THADA: variants seen among roughly 807,000 people sequenced by gnomAD.
The protein encoded by THADA is tRNA (32-2'-O)-methyltransferase regulator THADA.
Under a neutral mutation model 219.8 loss-of-function variants are expected in THADA, and 213 were observed. The observed-to-expected ratio is 0.97, with a 90% confidence interval of 0.87 to 1.09. THADA has a LOEUF of 1.09. Among genes scored for constraint, THADA ranks in the 50% least tolerant of loss-of-function variants. The pLI is 0.00. For missense variants in THADA, 2,956 were observed against 2,311.3 expected (o/e 1.28, Z -5.72); for synonymous variants, 1,018 against 828.9 (o/e 1.23, Z -3.92).
At chr2:43,466,541 G>A (rs1439387338) in intron 26 of THADA, among the ~76,000 whole-genome samples, 1 of 152,078 alleles carries the variant, frequency 6.6e-6, no homozygotes, top group Non-Finnish European at 1.5e-5. Context: ...TTGATTCTGA[G>A]ATCTTTGTGG....
At chr2:43,436,813 C>T (rs1303031660) in intron 26 of THADA, among the ~76,000 whole-genome samples, 2 of 152,164 alleles carry the variant, frequency 1.3e-5, no homozygotes, top group Admixed American at 6.5e-5. Flanking sequence ...TAAACAAATG[C>T]TTTCTTTACA....
intron 30 of THADA, among the ~76,000 whole-genome samples, chr2:43,340,376 A>G (rs1382226290): frequency 1.3e-5 from 2 of 152,214 alleles, no homozygotes; most frequent in East Asian, 3.8e-4. Flanking sequence ...TAATCTTGCA[A>G]AGTCAAAACA....
intron 26 of THADA, among the ~76,000 whole-genome samples, chr2:43,458,486 C>T (rs7573500): frequency 0.11 from 16,752 of 152,216 alleles, 1,049 homozygotes; most frequent in African/African-American, 0.16. Context: ...AACTTCCTCA[C>T]ATGGTTACCA....
intron 30 of THADA, 43 bp downstream of exon 30, chr2:43,344,079 C>T (rs1354918762): frequency 7.1e-7 from 1 of 1,410,226 alleles, no homozygotes; most frequent in Admixed American, 1.9e-5. Context: ...AAATGTATTC[C>T]TAACCCCTGA....
Position 43,515,212 on chromosome 2 carries a change from A to AT in THADA, c.3375-6433dup, listed in dbSNP as rs1574036172. On this transcript the variant is annotated intron_variant, in intron 22 of 37. Transcript: ENST00000405975. The stretch of plus-strand genomic sequence containing the variant: ...ATATATTATATATAATATATAATAT[A>AT]TAATATATTATATATAATATATAAT... Among the ~76,000 whole-genome samples, 53 of 79,380 alleles carry AT rather than the reference A, an allele frequency of 6.7e-4. 8 individuals are homozygous for AT. Among genetic ancestry groups the AT allele is most frequent in the Non-Finnish European group, 9.0e-4 (41 of 45,624 alleles). 52.1% of individuals were successfully genotyped at this position (79,380 alleles called of 152,430 possible).
chr2:43,494,458 C>A (rs908709583), intron 25 of THADA, among the ~76,000 whole-genome samples: 1 of 152,090 alleles, frequency 6.6e-6, no homozygotes, highest in African/African-American at 2.4e-5. Flanking sequence ...TAAAATGTAC[C>A]TTCTTTGTAT....
chr2:43,246,246 GCA>G (rs1558460894), intron 36 of THADA, among the ~76,000 whole-genome samples: 10 of 152,192 alleles, frequency 6.6e-5, no homozygotes, highest in Non-Finnish European at 1.3e-4. Context: ...TGTAATCCCA[GCA>G]CTTTGGGAGG....
At chr2:43,278,583 G>C (rs1406211363) in intron 36 of THADA, among the ~76,000 whole-genome samples, 1 of 152,228 alleles carries the variant, frequency 6.6e-6, no homozygotes, top group Non-Finnish European at 1.5e-5. Flanking sequence ...ATCACTTGCA[G>C]CTCTGTTCCA....
At chr2:43,549,540 C>T (rs935894095) in intron 19 of THADA, among the ~76,000 whole-genome samples, 172 bp from the exon 20 acceptor site, 22 of 152,152 alleles carry the variant, frequency 1.4e-4, no homozygotes, top group African/African-American at 5.3e-4. Context: ...TTTCATGATG[C>T]TTGAGTGCAT....
At chr2:43,251,777 C>A (rs1669829541) in intron 36 of THADA, among the ~76,000 whole-genome samples, 1 of 152,252 alleles carries the variant, frequency 6.6e-6, no homozygotes, top group African/African-American at 2.4e-5. Context: ...CCTCCTACCT[C>A]CTCCCCTATC....
rs558378786 is a variant in THADA, at chr2:43,511,614, G to C, written c.3375-2834C>G. 1.2e-3 allele frequency among the ~76,000 whole-genome samples: 178 copies of C among 151,968 alleles called. 1 individual carries two copies. The highest frequency in any genetic ancestry group is 1.9e-3 in the Admixed American group (29 of 15,256). ...TTCCTACACAAACTCCTCTGGTCTA[G>C]TAAGACTGTTTTTTGCTGGTTCTCA... On this transcript the variant is annotated intron_variant, in intron 22 of 37. Transcript: ENST00000405975.
intron 26 of THADA, among the ~76,000 whole-genome samples, chr2:43,467,181 C>CCA (rs1684352952): frequency 1.7e-5 from 1 of 58,390 alleles, no homozygotes; most frequent in African/African-American, 5.8e-5. Context: ...GACTCCGTCT[C>CCA]AAAAAAAAAA....
intron 26 of THADA, among the ~76,000 whole-genome samples, chr2:43,445,907 C>G (rs1352349848): frequency 1.3e-5 from 2 of 152,170 alleles, no homozygotes; most frequent in Non-Finnish European, 2.9e-5. Flanking sequence ...TCCCAAATCA[C>G]TAAACTGCCT....
chr2:43,354,431 CT>C (rs1668652482), intron 29 of THADA, among the ~76,000 whole-genome samples: 1 of 151,478 alleles, frequency 6.6e-6, no homozygotes, highest in Non-Finnish European at 1.5e-5. Flanking sequence ...TGTAGTTACC[CT>C]ATTGTGCTAT....
At chr2:43,407,104 C>T (rs554503024) in intron 28 of THADA, among the ~76,000 whole-genome samples, 36 of 152,174 alleles carry the variant, frequency 2.4e-4, no homozygotes, top group Non-Finnish European at 3.8e-4. Context: ...AACAGGCTGG[C>T]TTTCCTTTGG....
Position 43,382,503 on chromosome 2 carries a change from A to G in THADA, c.4227+15468T>C, listed in dbSNP as rs1301223491. 3.3e-5 allele frequency among the ~76,000 whole-genome samples: 5 copies of G among 152,250 alleles called. No individual in the cohort carries two copies. In the East Asian group the frequency reaches 7.7e-4, roughly 23 times the overall value. On this transcript the variant is annotated intron_variant, in intron 29 of 37. Coordinates refer to ENST00000405975, the MANE Select transcript of THADA (RefSeq NM_022065.5). ...CTTGGAGAGACAAAGAATGAACATA[A>G]AAGATAAAAAAGATATTCAAGAAAT...
chr2:43,277,532 G>T (rs778354091), intron 36 of THADA, among the ~76,000 whole-genome samples: 1 of 152,194 alleles, frequency 6.6e-6, no homozygotes, highest in Non-Finnish European at 1.5e-5. Context: ...ACTTCCCCAA[G>T]CTCCTCCAGC....
At chr2:43,386,631 C>A (rs577127941) in intron 29 of THADA, among the ~76,000 whole-genome samples, 1 of 152,044 alleles carries the variant, frequency 6.6e-6, no homozygotes. Context: ...CAGTGGCTCA[C>A]GCCTGTAATC....
chr2:43,396,410 T>A (rs180842479), intron 29 of THADA, among the ~76,000 whole-genome samples: 1 of 152,224 alleles, frequency 6.6e-6, no homozygotes, highest in East Asian at 1.9e-4. Flanking sequence ...TTTCTGGTCC[T>A]TTTTTGTCCT....
Sources: allele counts gnomAD v4.1 joint callset (sites outside exome capture counted in the v4.1 genomes callset), GRCh38; gene constraint gnomAD v4.1.1; transcripts MANE v1.5; gene names NCBI Gene and HGNC (gene_info 2026-07-23, HGNC 2026-07-21).